Variants in CDH13 observed in about 807,000 individuals in gnomAD.
CDH13 encodes cadherin 13.
In CDH13, 24 loss-of-function variants were observed where a neutral mutation model predicts 63.8. The ratio of observed to expected loss-of-function variants is 0.38; its 90% CI spans 0.27 to 0.53. CDH13 has a LOEUF of 0.53. CDH13 is among the 20% of genes least tolerant of loss of function. The pLI is 0.85. For synonymous variants in CDH13, 503 were observed against 355.3 expected, an observed-to-expected ratio of 1.42 and a Z score of -4.67; for missense variants, 1,049 against 903.1, an observed-to-expected ratio of 1.16 and a Z score of -2.07.
At chr16:83,751,611 G>C (rs1452492696) in intron 11 of CDH13, among the ~76,000 whole-genome samples, 2 of 152,238 alleles carry the variant, frequency 1.3e-5, no homozygotes, top group African/African-American at 4.8e-5. Context: ...GGAAAAGTCA[G>C]CCTGCAGTGG....
At chr16:83,121,560 C>T (rs1297477982) in intron 3 of CDH13, among the ~76,000 whole-genome samples, 3 of 152,126 alleles carry the variant, frequency 2.0e-5, no homozygotes, top group Non-Finnish European at 2.9e-5. Context: ...TGATAGTGGT[C>T]GGAACATGGT....
At chr16:83,392,096 G>T (rs372930520) in intron 6 of CDH13, among the ~76,000 whole-genome samples, 1 of 152,058 alleles carries the variant, frequency 6.6e-6, no homozygotes, top group African/African-American at 2.4e-5. Context: ...TCGCCCCCTC[G>T]CACTTCGAAA....
At chr16:82,729,092 T>A (rs539496286) in intron 1 of CDH13, among the ~76,000 whole-genome samples, 1 of 152,156 alleles carries the variant, frequency 6.6e-6, no homozygotes, top group Non-Finnish European at 1.5e-5. Flanking sequence ...TTCCACCACA[T>A]CTGCCGTTAC....
intron 1 of CDH13, among the ~76,000 whole-genome samples, chr16:82,670,896 T>C (rs527760726): frequency 1.1e-4 from 17 of 152,356 alleles, no homozygotes; most frequent in African/African-American, 3.4e-4. Context: ...CTGTCACTGT[T>C]CCTCCTCCTG....
chr16:83,471,941 T>C (rs1341682443), intron 6 of CDH13, among the ~76,000 whole-genome samples: 2 of 152,142 alleles, frequency 1.3e-5, no homozygotes, highest in Non-Finnish European at 2.9e-5. Context: ...CAACCTAAGG[T>C]TACTTTGGTT....
chr16:83,421,012 C>T (rs1189385798), intron 6 of CDH13, among the ~76,000 whole-genome samples: 1 of 152,174 alleles, frequency 6.6e-6, no homozygotes, highest in Non-Finnish European at 1.5e-5. Context: ...TGGATGGTGT[C>T]CACCCACAAT....
intron 4 of CDH13, among the ~76,000 whole-genome samples, chr16:83,194,886 C>G (rs1260209736): frequency 6.6e-6 from 1 of 152,142 alleles, no homozygotes; most frequent in Non-Finnish European, 1.5e-5. Context: ...TTCCTACAAT[C>G]TCCTTTTTGT....
In CDH13 at chr16:82,871,652, T is replaced by C. The variant is rs1403728892; in HGVS notation, c.157+13179T>C. On this transcript the variant is annotated intron_variant, in intron 2 of 13. Coordinates refer to ENST00000567109, the MANE Select transcript of CDH13 (RefSeq NM_001257.5). ...GGGCTGTTTTGACTGTAATCAACAG[T>C]AACACAACTCCAACTAGCCTCAGCA... Among the ~76,000 whole-genome samples the C allele has an allele frequency of 2.9e-5, 4 of 139,898 alleles. No homozygotes were observed. The East Asian group carries it at 5.8e-4, about 20-fold the overall frequency. The allele number at this position is 139,898 out of a possible 152,430, so 91.8% of individuals were successfully genotyped here.
In CDH13 at chr16:83,274,552, G is replaced by A. The variant is rs1397056491; in HGVS notation, c.636+57055G>A. Among the ~76,000 whole-genome samples the A allele has an allele frequency of 2.0e-5, 3 of 151,966 alleles. No individual in the cohort carries two copies. The East Asian group carries it at 5.8e-4, about 29-fold the overall frequency. On this transcript the variant is annotated intron_variant, in intron 5 of 13. Transcript: ENST00000567109. Reference sequence around the variant, plus strand: ...GTGTCTTTAGAGCTCTCTAAGTAATGTATTCCTTCAAGAAAGGGATTCTGT... The same window carrying A: ...GTGTCTTTAGAGCTCTCTAAGTAATATATTCCTTCAAGAAAGGGATTCTGT...
At chr16:82,987,870 T>G (rs948286341) in intron 2 of CDH13, among the ~76,000 whole-genome samples, 2 of 152,210 alleles carry the variant, frequency 1.3e-5, no homozygotes, top group Non-Finnish European at 2.9e-5. Flanking sequence ...TTCTGCCTCT[T>G]GGGATTTGGA....
chr16:83,275,018 C>G (rs11865621), intron 5 of CDH13, among the ~76,000 whole-genome samples: 20,988 of 152,150 alleles, frequency 0.14, 1,683 homozygotes, highest in African/African-American at 0.2. Context: ...TAGACACATG[C>G]TTTATTTTTA....
At chr16:82,917,337 C>G (rs976597547) in intron 2 of CDH13, among the ~76,000 whole-genome samples, 7 of 152,114 alleles carry the variant, frequency 4.6e-5, no homozygotes, top group Non-Finnish European at 2.9e-5. Flanking sequence ...GGGGAAAGAA[C>G]ATTTCAACTC....
At chr16:82,735,915 C>G (rs1341804405) in intron 1 of CDH13, among the ~76,000 whole-genome samples, 1 of 152,176 alleles carries the variant, frequency 6.6e-6, no homozygotes, top group Non-Finnish European at 1.5e-5. Context: ...ATGAGATTGA[C>G]AGCACGAGAA....
intron 3 of CDH13, among the ~76,000 whole-genome samples, chr16:83,110,447 G>A (rs989570101): frequency 1.3e-5 from 2 of 152,164 alleles, no homozygotes; most frequent in Admixed American, 6.5e-5. Context: ...AGAGCACTGG[G>A]GAAAGTTCCC....
chr16:83,162,494 G>T (rs1456835164), intron 4 of CDH13, among the ~76,000 whole-genome samples: 2 of 152,130 alleles, frequency 1.3e-5, no homozygotes, highest in African/African-American at 2.4e-5. Flanking sequence ...AATTCAATCT[G>T]TCTTTCTCTA....
chr16:83,026,621 G>T (rs1315731962), intron 2 of CDH13, among the ~76,000 whole-genome samples: 1 of 152,032 alleles, frequency 6.6e-6, no homozygotes, highest in African/African-American at 2.4e-5. Context: ...ATACTTAAAA[G>T]AGCCCTTAGG....
chr16:83,099,321 T>A (rs2034359359), intron 3 of CDH13, among the ~76,000 whole-genome samples: 1 of 152,084 alleles, frequency 6.6e-6, no homozygotes, highest in Non-Finnish European at 1.5e-5. Context: ...ATGATAATCT[T>A]CATTTTACAC....
intron 4 of CDH13, among the ~76,000 whole-genome samples, chr16:83,207,973 A>T (rs1199489396): frequency 2.0e-5 from 3 of 152,190 alleles, no homozygotes; most frequent in South Asian, 2.1e-4. Flanking sequence ...TGGATGGTAG[A>T]TTCAGATCCC....
chr16:82,753,320 C>G (rs900880842), intron 1 of CDH13, among the ~76,000 whole-genome samples: 1 of 152,198 alleles, frequency 6.6e-6, no homozygotes, highest in Non-Finnish European at 1.5e-5. Flanking sequence ...AAACAATATG[C>G]ATATCTGTCC....
Sources: allele counts gnomAD v4.1 joint callset (sites outside exome capture counted in the v4.1 genomes callset), GRCh38; gene constraint gnomAD v4.1.1; transcripts MANE v1.5; gene names NCBI Gene and HGNC (gene_info 2026-07-23, HGNC 2026-07-21).